The following GRID2 variants were observed in gnomAD, a reference collection of about 807,000 sequenced individuals.
GRID2 encodes glutamate receptor ionotropic, delta-2.
GRID2 carries 33 observed loss-of-function variants against 114.8 expected under a neutral mutation model. That is an observed-to-expected ratio of 0.29 (90% CI 0.22 to 0.38). GRID2 has a LOEUF of 0.38. Ranked by LOEUF, GRID2 falls within the 10% of genes least tolerant of loss-of-function variation. The pLI is 1.00. For missense variants in GRID2, 1,184 were observed against 1,257.7 expected (o/e 0.94, Z 0.89); for synonymous variants, 505 against 449.9 (o/e 1.12, Z -1.55).
intron 2 of GRID2, among the ~76,000 whole-genome samples, chr4:92,898,490 A>G (rs2149477605): frequency 6.6e-6 from 1 of 152,228 alleles, no homozygotes; most frequent in South Asian, 2.1e-4. Context: ...TGTCTCTTCA[A>G]AGTCTATTTT....
chr4:92,580,921 G>C (rs749797821), intron 1 of GRID2, among the ~76,000 whole-genome samples: 40 of 149,558 alleles, frequency 2.7e-4, no homozygotes, highest in Non-Finnish European at 4.9e-4. Flanking sequence ...CATCAGGTCA[G>C]TTTGGGAAGA....
chr4:92,694,434 C>G (rs558770299), intron 2 of GRID2, among the ~76,000 whole-genome samples: 3 of 152,150 alleles, frequency 2.0e-5, no homozygotes, highest in African/African-American at 7.2e-5. Context: ...CTGTGTTCAG[C>G]GCTACAGGGC....
chr4:93,334,871 C>A (rs978099311), intron 8 of GRID2, among the ~76,000 whole-genome samples: 2 of 151,770 alleles, frequency 1.3e-5, no homozygotes, highest in Non-Finnish European at 2.9e-5. Context: ...GCAGAGGTTG[C>A]GGTGAGCTGA....
intron 12 of GRID2, among the ~76,000 whole-genome samples, chr4:93,511,595 T>A (rs777699983): frequency 6.6e-6 from 1 of 152,106 alleles, no homozygotes; most frequent in Admixed American, 6.6e-5. Flanking sequence ...TGTGCATGAG[T>A]AAGACTGTGG....
At chr4:92,306,224 G>A (rs1411027151) in intron 1 of GRID2, among the ~76,000 whole-genome samples, 1 of 152,230 alleles carries the variant, frequency 6.6e-6, no homozygotes, top group East Asian at 1.9e-4. Flanking sequence ...ATTTATATCA[G>A]TAGAACTGTC....
intron 8 of GRID2, among the ~76,000 whole-genome samples, chr4:93,274,405 A>G (rs931356844): frequency 2.6e-5 from 4 of 152,128 alleles, no homozygotes; most frequent in Admixed American, 1.3e-4. Flanking sequence ...ATTTCAGGAA[A>G]TGAGAAAAGT....
chr4:93,785,804 G>C (rs1326221051), intron 1 of GRID2, among the ~76,000 whole-genome samples: 1 of 152,078 alleles, frequency 6.6e-6, no homozygotes, highest in Non-Finnish European at 1.5e-5. Flanking sequence ...TCCACCTAGA[G>C]GAAATAGTCC....
At chr4:92,952,023 C>T (rs990637856) in intron 2 of GRID2, among the ~76,000 whole-genome samples, 5 of 152,068 alleles carry the variant, frequency 3.3e-5, no homozygotes, top group Non-Finnish European at 7.4e-5. Flanking sequence ...ACACTGTGTA[C>T]ATGTCCCTTC....
At chr4:92,403,676 A>G (rs1034267213) in intron 1 of GRID2, among the ~76,000 whole-genome samples, 3 of 150,194 alleles carry the variant, frequency 2.0e-5, no homozygotes, top group Non-Finnish European at 2.9e-5. Context: ...TGGGGGACAG[A>G]GTGAGACTCC....
intron 4 of GRID2, among the ~76,000 whole-genome samples, chr4:93,122,496 G>T (rs747832262): frequency 6.6e-6 from 1 of 152,080 alleles, no homozygotes; most frequent in Non-Finnish European, 1.5e-5. Flanking sequence ...GAAAAGGAAA[G>T]GTTATACTGG....
intron 2 of GRID2, among the ~76,000 whole-genome samples, chr4:92,615,691 A>T (rs940546884): frequency 2.0e-5 from 3 of 151,516 alleles, no homozygotes; most frequent in African/African-American, 7.3e-5. Context: ...TATTCTGGCT[A>T]TTCTTTTTTA....
At position 93,121,882 on chromosome 4, in the gene GRID2, GGAT is replaced by G. The variant is rs539700699; in HGVS notation, c.735+10933_735+10935del. 1.6e-4 allele frequency among the ~76,000 whole-genome samples: 25 copies of G among 152,232 alleles called. 1 individual carries two copies. In the South Asian group the frequency reaches 4.8e-3, roughly 29 times the overall value. ...AGATTTTAATTTGCATTTTTCTGAT[GGAT>G]GATTTATTTTGTATATTTATTTGCT... is the stretch of plus-strand genomic sequence containing the variant. On this transcript the variant is annotated intron_variant, in intron 4 of 15. Coordinates refer to ENST00000282020, the MANE Select transcript of GRID2 (RefSeq NM_001510.4).
At chr4:93,087,285 C>A (rs543018375) in intron 3 of GRID2, among the ~76,000 whole-genome samples, 1 of 152,016 alleles carries the variant, frequency 6.6e-6, no homozygotes, top group South Asian at 2.1e-4. Context: ...CGTGATCCAC[C>A]CACCTCGGCC....
rs545676941 is a variant in GRID2 at position 92,551,671 on chromosome 4, T to C, written c.89-38460T>C. ...GATAAATTAATGGACTTATACTGCA[T>C]GAAGAAGAAATGTATAAATCATAAA... On this transcript the variant is annotated intron_variant, in intron 1 of 15. Coordinates refer to ENST00000282020, the MANE Select transcript of GRID2 (RefSeq NM_001510.4). Among the ~76,000 whole-genome samples the C allele has an allele frequency of 5.9e-5, 9 of 152,250 alleles. No homozygotes were observed. In the South Asian group the frequency reaches 1.9e-3, roughly 32 times the overall value.
chr4:93,765,635 A>G (rs2110325160), intron 14 of GRID2, among the ~76,000 whole-genome samples: 1 of 140,362 alleles, frequency 7.1e-6, no homozygotes, highest in Admixed American at 7.0e-5. Flanking sequence ...TATATATATG[A>G]GGCATATATA....
intron 2 of GRID2, among the ~76,000 whole-genome samples, chr4:92,773,900 A>G (rs1445146388): frequency 1.3e-5 from 2 of 152,170 alleles, no homozygotes; most frequent in African/African-American, 4.8e-5. Flanking sequence ...ACAAGCATGC[A>G]TTAAAAATAT....
intron 2 of GRID2, among the ~76,000 whole-genome samples, chr4:92,846,357 T>C (rs1743322946): frequency 6.6e-6 from 1 of 152,076 alleles, no homozygotes; most frequent in Non-Finnish European, 1.5e-5. Flanking sequence ...GTATGTATTG[T>C]ACTCATCTTT....
At chr4:92,703,496 G>T (rs921970144) in intron 2 of GRID2, among the ~76,000 whole-genome samples, 40 of 151,904 alleles carry the variant, frequency 2.6e-4, no homozygotes, top group Non-Finnish European at 5.4e-4. Flanking sequence ...CCTCCTAGAA[G>T]AGAATGGGCT....
chr4:93,768,897 A>T (rs1430602722), intron 14 of GRID2, among the ~76,000 whole-genome samples: 1 of 152,172 alleles, frequency 6.6e-6, no homozygotes, highest in East Asian at 1.9e-4. Context: ...ACACTGAAGC[A>T]AACCAGGAGG....
Sources: gnomAD v4.1 joint callset for allele counts (sites outside exome capture counted in the v4.1 genomes callset) on GRCh38, gnomAD v4.1.1 for gene constraint, MANE v1.5 for transcripts, NCBI Gene and HGNC (gene_info 2026-07-23, HGNC 2026-07-21) for gene names.